Variants in KANSL1L observed in about 807,000 individuals in gnomAD.
The protein encoded by KANSL1L is KAT8 regulatory NSL complex subunit 1 like, also known as KAT8 regulatory NSL complex subunit 1-like protein.
In KANSL1L, 25 loss-of-function variants were observed where a neutral mutation model predicts 108.6. That is an observed-to-expected ratio of 0.23 (90% CI 0.17 to 0.32). The LOEUF (loss-of-function observed/expected upper bound fraction) is 0.32. Ranked by LOEUF, KANSL1L falls within the 10% of genes least tolerant of loss-of-function variation. The probability of loss-of-function intolerance (pLI) is 1.00; values close to 1 mark genes in which losing one functional copy is unlikely to be tolerated. For missense variants in KANSL1L, 1,137 were observed against 1,125.7 expected, an observed-to-expected ratio of 1.01 and a Z score of -0.14; for synonymous variants, 405 against 395.1, an observed-to-expected ratio of 1.03 and a Z score of -0.30.
At chr2:210,100,669 C>T (rs1451879210) in intron 4 of KANSL1L, among the ~76,000 whole-genome samples, 2 of 152,156 alleles carry the variant, frequency 1.3e-5, no homozygotes, top group East Asian at 3.9e-4. Flanking sequence ...GACAGTGTCT[C>T]GTTCTGTCAT....
chr2:210,031,295 C>T, intron 9 of KANSL1L, 126 bp downstream of exon 9: 1 of 643,328 alleles, frequency 1.6e-6, no homozygotes, highest in East Asian at 3.0e-5. Flanking sequence ...TGTTTGTAGA[C>T]TCATAGATGT....
At chr2:210,094,793 C>T (rs1052605457) in intron 5 of KANSL1L, among the ~76,000 whole-genome samples, 2 of 151,124 alleles carry the variant, frequency 1.3e-5, no homozygotes, top group African/African-American at 4.9e-5. Flanking sequence ...TAATTAAGTA[C>T]TTTTCATTAT....
chr2:210,078,797 T>C (rs1450557954), intron 5 of KANSL1L, among the ~76,000 whole-genome samples: 2 of 152,152 alleles, frequency 1.3e-5, no homozygotes, highest in Non-Finnish European at 2.9e-5. Flanking sequence ...TAATGCTTTT[T>C]CCCCAGGAGA....
rs747403286 is a variant in KANSL1L, at chr2:210,021,995, A to ACAAT, written c.*950_*953dup. The ACAAT allele has an allele frequency of 4.6e-5, 7 of 151,138 alleles. No homozygotes were observed. The highest frequency in any genetic ancestry group is 8.8e-5 in the Non-Finnish European group (6 of 67,832). The allele number at this position is 151,138 out of a possible 1,614,324, so 9.4% of individuals were successfully genotyped here. ...ACTAATTTCTTGCTAATCTAGAAAT[A>ACAAT]CAATCATCTTTTTTTTTTTTTTCAA... is the stretch of plus-strand genomic sequence containing the variant. On this transcript the variant is annotated 3_prime_UTR_variant, in exon 15 of 15. Coordinates refer to ENST00000281772, the MANE Select transcript of KANSL1L (RefSeq NM_152519.4).
intron 1 of KANSL1L, among the ~76,000 whole-genome samples, chr2:210,158,880 T>C (rs1485764069): frequency 6.6e-6 from 1 of 152,214 alleles, no homozygotes; most frequent in Non-Finnish European, 1.5e-5. Context: ...ATAATCATTT[T>C]ACATAACAAT....
At chr2:210,065,687 G>A (rs931694581) in intron 6 of KANSL1L, among the ~76,000 whole-genome samples, 2 of 151,618 alleles carry the variant, frequency 1.3e-5, no homozygotes, top group African/African-American at 4.9e-5. Context: ...CCAGGTTCAA[G>A]GGATTCTCCT....
chr2:210,023,386 T>C (rs1228633368), intron 14 of KANSL1L, among the ~76,000 whole-genome samples: 2 of 152,230 alleles, frequency 1.3e-5, no homozygotes, highest in Non-Finnish European at 2.9e-5. Context: ...TTTCTTTACT[T>C]TGCCTCTGCC....
intron 1 of KANSL1L, among the ~76,000 whole-genome samples, chr2:210,163,291 T>C (rs1236590585): frequency 6.6e-6 from 1 of 152,088 alleles, no homozygotes; most frequent in Middle Eastern, 3.2e-3. Flanking sequence ...TGACAGGTAA[T>C]GTAAGAAGAG....
chr2:210,023,712 TGAG>T (rs2093893258), intron 14 of KANSL1L, among the ~76,000 whole-genome samples: 1 of 152,148 alleles, frequency 6.6e-6, no homozygotes. Context: ...TCTTAAGATA[TGAG>T]GAGAAAGAAA....
At chr2:210,107,085 C>G (rs942032820) in intron 3 of KANSL1L, among the ~76,000 whole-genome samples, 4 of 152,026 alleles carry the variant, frequency 2.6e-5, no homozygotes, top group African/African-American at 9.7e-5. Flanking sequence ...AAAACTCTAG[C>G]ATAAGATGAA....
chr2:210,172,115 T>G (rs116400914), upstream of KANSL1L, among the ~76,000 whole-genome samples: 1,891 of 152,168 alleles, frequency 0.012, 43 homozygotes, highest in African/African-American at 0.044. Flanking sequence ...TATGTGGAGA[T>G]AGTTGGCCAG....
At chr2:210,131,530 C>T (rs1412660167) in intron 2 of KANSL1L, among the ~76,000 whole-genome samples, 1 of 151,760 alleles carries the variant, frequency 6.6e-6, no homozygotes, top group Non-Finnish European at 1.5e-5. Context: ...TGCCATAGAA[C>T]TCATATTATT....
intron 3 of KANSL1L, among the ~76,000 whole-genome samples, chr2:210,117,481 A>G (rs747570849): frequency 5.3e-5 from 8 of 152,184 alleles, no homozygotes; most frequent in African/African-American, 1.4e-4. Context: ...GGGAATAAAG[A>G]AAGGATTCAA....
intron 6 of KANSL1L, among the ~76,000 whole-genome samples, chr2:210,056,197 A>G (rs1469692734): frequency 2.0e-5 from 3 of 152,170 alleles, no homozygotes; most frequent in African/African-American, 7.2e-5. Flanking sequence ...TGTGGTGTTG[A>G]GCATGTGGTG....
At chr2:210,154,674 T>G (rs1014030986) in intron 1 of KANSL1L, 63 bp from the exon 2 acceptor site, 1 of 997,674 alleles carries the variant, frequency 1.0e-6, no homozygotes, top group South Asian at 3.3e-5. Flanking sequence ...TATACTTTTT[T>G]CTAAGGGCAA....
chr2:210,023,225 G>C, intron 14 of KANSL1L, 46 bp from the exon 15 acceptor site: 1 of 1,371,786 alleles, frequency 7.3e-7, no homozygotes, highest in Non-Finnish European at 1.0e-6. Context: ...AACTTGTTTT[G>C]TTTAAATTCA....
At chr2:210,148,221 A>G (rs951131654) in intron 2 of KANSL1L, among the ~76,000 whole-genome samples, 3 of 152,188 alleles carry the variant, frequency 2.0e-5, no homozygotes, top group Non-Finnish European at 4.4e-5. Context: ...AAGCAGCATT[A>G]TTTCTTCCTT....
At chr2:210,142,889 T>C (rs1389870469) in intron 2 of KANSL1L, among the ~76,000 whole-genome samples, 1 of 152,110 alleles carries the variant, frequency 6.6e-6, no homozygotes, top group East Asian at 1.9e-4. Context: ...CTGAAGAATG[T>C]TCCCTTACAC....
chr2:210,103,954 G>A, intron 4 of KANSL1L, 150 bp downstream of exon 4: 1 of 577,632 alleles, frequency 1.7e-6, no homozygotes, highest in East Asian at 2.9e-5. Flanking sequence ...CTGGTCATAT[G>A]TCAAATATTT....
Sources: gnomAD v4.1 joint callset for allele counts (sites outside exome capture counted in the v4.1 genomes callset) on GRCh38, gnomAD v4.1.1 for gene constraint, MANE v1.5 for transcripts, NCBI Gene and HGNC (gene_info 2026-07-23, HGNC 2026-07-21) for gene names.